Variants in CSF2RA observed in about 807,000 individuals in gnomAD.
CSF2RA encodes granulocyte-macrophage colony-stimulating factor receptor subunit alpha.
Under a neutral mutation model 51.6 loss-of-function variants are expected in CSF2RA, and 42 were observed. The observed-to-expected ratio is 0.81, with a 90% confidence interval of 0.64 to 1.05. The LOEUF (loss-of-function observed/expected upper bound fraction) is 1.05. Ranked by LOEUF, CSF2RA falls within the 50% of genes least tolerant of loss-of-function variation. CSF2RA has a pLI of 0.00. For missense variants in CSF2RA, 530 were observed against 501.1 expected (o/e 1.06, Z -0.55); for synonymous variants, 222 against 193.0 (o/e 1.15, Z -1.24).
the CSF2RA span, among the ~76,000 whole-genome samples, chrX:1,317,027 A>T: frequency 1.3e-5 from 2 of 151,702 alleles, no homozygotes; most frequent in African/African-American, 2.4e-5. Flanking sequence ...GCTCACTGCA[A>T]GCTCCGCTTC....
the CSF2RA span, among the ~76,000 whole-genome samples, chrX:1,316,664 C>A: frequency 3.9e-5 from 6 of 152,218 alleles, no homozygotes; most frequent in Non-Finnish European, 8.8e-5. Flanking sequence ...GGAGGGAACA[C>A]CGGCGTCATG....
At chrX:1,289,176 T>C (rs1359988790) in intron 6 of CSF2RA, 7 of 455,050 alleles carry the variant, frequency 1.5e-5, no homozygotes, top group African/African-American at 4.0e-5. Context: ...CAGGCTGGAG[T>C]GTAGTGATGT....
chrX:1,305,521 A>G lies in CSF2RA; in HGVS notation c.1119A>G (p.Glu373=), dbSNP rs750573017. 3.1e-6 allele frequency: 5 copies of G among 1,613,972 alleles called. No individual in the cohort carries two copies. The South Asian group carries it at 4.4e-5, about 14-fold the overall frequency. The change falls in exon 12 of 13, where the codon GAA becomes GAG. Residue 373 remains glutamate, a synonymous_variant. Coordinates refer to ENST00000381529, the MANE Select transcript of CSF2RA (RefSeq NM_172245.4). ...AACTGAATGATAACCATGAGGTGGA[A>G]GACGAGGTAGGCAGGGGTGGGCGGA... ...KDKLNDNHEV[E]DEIIWEEFTP...
At chrX:1,311,514 A>G (rs1181676553), downstream of CSF2RA, among the ~76,000 whole-genome samples, 2 of 150,726 alleles carry the variant, frequency 1.3e-5, no homozygotes, top group Non-Finnish European at 1.5e-5. Flanking sequence ...GCTCACTGCA[A>G]CCTCCATCTC....
chrX:1,289,683 G>A (rs1198664533), intron 6 of CSF2RA, among the ~76,000 whole-genome samples: 3 of 135,810 alleles, frequency 2.2e-5, no homozygotes, highest in African/African-American at 5.7e-5. Context: ...TTTGTGTTGT[G>A]TTTGTTTTTG....
intron 10 of CSF2RA, chrX:1,303,450 G>A (rs1171640273): frequency 2.3e-6 from 1 of 435,534 alleles, no homozygotes; most frequent in African/African-American, 2.0e-5. Flanking sequence ...ATGTTAGTGA[G>A]GCTTGTCTCG....
At chrX:1,307,017 C>T (rs751293875) in intron 12 of CSF2RA, among the ~76,000 whole-genome samples, 1 of 151,652 alleles carries the variant, frequency 6.6e-6, no homozygotes, top group Admixed American at 6.6e-5. Flanking sequence ...TTAGTCTCAG[C>T]GAGAGCCCAG....
chrX:1,269,003 C>T (rs2147958294), intron 1 of CSF2RA, 124 bp downstream of exon 1: 1 of 397,930 alleles, frequency 2.5e-6, no homozygotes, highest in South Asian at 1.8e-5. Context: ...CAAACGTTGG[C>T]TCGAGCCGAA....
rs746792395 is a variant in CSF2RA, at chrX:1,288,666, C to T, written c.343+24C>T. The T allele has an allele frequency of 2.0e-5, 32 of 1,613,784 alleles. No homozygotes were observed. The Admixed American group carries it at 2.3e-4, about 12-fold the overall frequency. Reference sequence around the variant, plus strand: ...AGGTAAGCAAGACAGCTCAGGGATCCGTTTACAGCACTGGCCCCACCACCC... The same window carrying T: ...AGGTAAGCAAGACAGCTCAGGGATCTGTTTACAGCACTGGCCCCACCACCC... On this transcript the variant is annotated intron_variant, in intron 5 of 12. Transcript: ENST00000381529.
At chrX:1,285,073 T>A (rs753374934) in intron 3 of CSF2RA, among the ~76,000 whole-genome samples, 206 of 151,792 alleles carry the variant, frequency 1.4e-3, no homozygotes, top group East Asian at 5.9e-3. Flanking sequence ...TAAAAAAAAA[T>A]TTTTTTTAAA....
intron 1 of CSF2RA, among the ~76,000 whole-genome samples, chrX:1,269,502 A>G (rs190370679): frequency 0.061 from 9,266 of 152,056 alleles, 385 homozygotes; most frequent in Non-Finnish European, 0.092. Flanking sequence ...AGGCACCTGT[A>G]ATCCCACCTA....
chrX:1,284,195 CTTTT>C (rs752104115), intron 3 of CSF2RA, among the ~76,000 whole-genome samples: 20,056 of 92,584 alleles, frequency 0.22, 2,262 homozygotes, highest in East Asian at 0.3. Flanking sequence ...CTCTGTCTCT[CTTTT>C]TTTTTTTTTT....
Position 1,285,722 on chromosome X carries a change from AAAAAAAAAAG to A in CSF2RA, c.77-55_77-46del. Reference sequence around the variant, plus strand: ...GTCTCAAAAAAAAAAAAAAAAAAAAAAAAAAAAAAGGAAAAGAAAAGAGGAAATTCTGAAC... The same window carrying A: ...GTCTCAAAAAAAAAAAAAAAAAAAAAGAAAAGAAAAGAGGAAATTCTGAAC... On this transcript the variant is annotated intron_variant, in intron 3 of 12. Transcript: ENST00000381529. The A allele has an allele frequency of 2.1e-4, 211 of 1,005,322 alleles. 5 individuals are homozygous for A. The highest frequency in any genetic ancestry group is 3.6e-4 in the Middle Eastern group (1 of 2,748). The allele number at this position is 1,005,322 out of a possible 1,614,324, so 62.3% of individuals were successfully genotyped here.
downstream of CSF2RA, among the ~76,000 whole-genome samples, chrX:1,314,251 C>CCTGCCCAACCACACAGCAT (rs2084323696): frequency 7.2e-5 from 2 of 27,754 alleles, no homozygotes; most frequent in African/African-American, 1.2e-4. Flanking sequence ...CCCCACTGCA[C>CCTGCCCAACCACACAGCAT]CTGCCCAACC....
downstream of CSF2RA, among the ~76,000 whole-genome samples, chrX:1,314,528 C>CCACTGTGCCTGCCCAACCG (rs1569514919): frequency 2.8e-4 from 24 of 86,414 alleles, 1 homozygote; most frequent in Non-Finnish European, 4.3e-4. Context: ...CTGCCCAATC[C>CCACTGTGCCTGCCCAACCG]CACTGCACCT....
downstream of CSF2RA, among the ~76,000 whole-genome samples, chrX:1,313,709 C>T (rs34241825): frequency 0.62 from 93,130 of 150,664 alleles, 28,995 homozygotes; most frequent in Non-Finnish European, 0.67. Context: ...GGAGCTGTGG[C>T]CAGGCACAGT....
chrX:1,273,943 G>A (rs2088813487), intron 1 of CSF2RA, among the ~76,000 whole-genome samples: 1 of 151,974 alleles, frequency 6.6e-6, no homozygotes, highest in Non-Finnish European at 1.5e-5. Flanking sequence ...GTGGAGCCCT[G>A]TGTTGGGGTA....
At chrX:1,270,745 C>T (rs1449475793) in intron 1 of CSF2RA, among the ~76,000 whole-genome samples, 1 of 151,064 alleles carries the variant, frequency 6.6e-6, no homozygotes, top group African/African-American at 2.4e-5. Context: ...GTTCCCAGCC[C>T]CTATTCTAGA....
the CSF2RA span, among the ~76,000 whole-genome samples, chrX:1,317,674 G>A: frequency 4.1e-4 from 62 of 150,056 alleles, no homozygotes; most frequent in African/African-American, 1.1e-3. Context: ...TTTCTGTAAC[G>A]TGCACGCACA....
Sources: gnomAD v4.1 joint callset for allele counts (sites outside exome capture counted in the v4.1 genomes callset) on GRCh38, gnomAD v4.1.1 for gene constraint, MANE v1.5 for transcripts, NCBI Gene and HGNC (gene_info 2026-07-23, HGNC 2026-07-21) for gene names.